Variants in DMD observed in about 807,000 individuals in gnomAD.
DMD encodes the protein dystrophin, also known as mutant dystrophin.
A neutral mutation model predicts 330.1 loss-of-function variants in DMD; 63 were observed. The ratio of observed to expected loss-of-function variants is 0.19; its 90% CI spans 0.16 to 0.24. The LOEUF is 0.24. Among genes scored for constraint, DMD ranks in the 10% least tolerant of loss-of-function variants. DMD has a pLI of 1.00. For missense variants in DMD, 3,344 were observed against 2,684.1 expected, an observed-to-expected ratio of 1.25 and a Z score of -5.43; for synonymous variants, 1,223 against 959.8, an observed-to-expected ratio of 1.27 and a Z score of -5.07.
At chrX:33,104,714 C>T (rs182341314) in intron 1 of DMD, among the ~76,000 whole-genome samples, 125 of 112,134 alleles carry the variant, frequency 1.1e-3, no homozygotes, top group South Asian at 8.2e-3. Flanking sequence ...ATGAAAGAAA[C>T]ATTTAACCAT....
chrX:32,869,208 G>A (rs1356104047), intron 2 of DMD, among the ~76,000 whole-genome samples: 1 of 110,971 alleles, frequency 9.0e-6, no homozygotes, highest in Non-Finnish European at 1.9e-5. Context: ...AACAACAACA[G>A]CATCAACAAA....
chrX:32,887,512 G>A (rs935573231), intron 2 of DMD, among the ~76,000 whole-genome samples: 1 of 108,325 alleles, frequency 9.2e-6, no homozygotes, highest in Non-Finnish European at 1.9e-5. Context: ...TACTTTGGGA[G>A]GTTGAGGCGG....
At chrX:32,940,352 G>A (rs1254335975) in intron 2 of DMD, among the ~76,000 whole-genome samples, 2 of 111,780 alleles carry the variant, frequency 1.8e-5, no homozygotes, top group Admixed American at 9.5e-5. Context: ...AGTTCACTGC[G>A]TATATGCACA....
intron 44 of DMD, among the ~76,000 whole-genome samples, chrX:32,089,804 G>A (rs1603624683): frequency 8.9e-6 from 1 of 112,028 alleles, no homozygotes; most frequent in Admixed American, 9.5e-5. Context: ...CTGGGTATAT[G>A]CCCAATAATG....
At chrX:32,609,056 C>G (rs189361025) in intron 12 of DMD, among the ~76,000 whole-genome samples, 2 of 110,446 alleles carry the variant, frequency 1.8e-5, no homozygotes, top group Non-Finnish European at 1.9e-5. Context: ...TCTTAATTAC[C>G]AATCTCAAGT....
intron 44 of DMD, among the ~76,000 whole-genome samples, chrX:32,215,492 T>G (rs2097109102): frequency 9.0e-6 from 1 of 111,623 alleles, no homozygotes; most frequent in Admixed American, 9.5e-5. Context: ...CAGCCTGAAA[T>G]ATGTAGCAAA....
At chrX:32,544,230 A>G (rs1329684445) in intron 17 of DMD, among the ~76,000 whole-genome samples, 1 of 111,427 alleles carries the variant, frequency 9.0e-6, no homozygotes, top group East Asian at 2.8e-4. Context: ...TAGTTAATAG[A>G]GAAGTACTAA....
intron 1 of DMD, among the ~76,000 whole-genome samples, chrX:33,310,947 A>G (rs1201575733): frequency 9.0e-6 from 1 of 110,950 alleles, no homozygotes; most frequent in Admixed American, 9.7e-5. Context: ...AAATGAAGCT[A>G]AAGGGATTTT....
At chrX:32,311,826 A>G (rs963602740) in intron 41 of DMD, among the ~76,000 whole-genome samples, 2 of 111,988 alleles carry the variant, frequency 1.8e-5, no homozygotes, top group Non-Finnish European at 3.8e-5. Flanking sequence ...TGAAATTTTC[A>G]CTGACACATT....
At chrX:32,272,701 T>A (rs1269964617) in intron 43 of DMD, among the ~76,000 whole-genome samples, 1 of 111,859 alleles carries the variant, frequency 8.9e-6, no homozygotes, top group Non-Finnish European at 1.9e-5. Context: ...AAATTAAGGT[T>A]CTCTTGAGAA....
intron 32 of DMD, among the ~76,000 whole-genome samples, chrX:32,387,470 C>G (rs2097967169): frequency 9.0e-6 from 1 of 110,838 alleles, no homozygotes; most frequent in Non-Finnish European, 1.9e-5. Context: ...AAAAAATAAA[C>G]CTGACAGTAG....
chrX:31,948,854 T>C (rs750208020), intron 45 of DMD, among the ~76,000 whole-genome samples: 3 of 111,468 alleles, frequency 2.7e-5, no homozygotes, highest in Non-Finnish European at 5.7e-5. Context: ...TGATTGACCA[T>C]AAATATAAGA....
At chrX:32,052,144 G>A (rs1337674657) in intron 44 of DMD, among the ~76,000 whole-genome samples, 1 of 111,617 alleles carries the variant, frequency 9.0e-6, no homozygotes, top group African/African-American at 3.3e-5. Flanking sequence ...GACCATCTAG[G>A]CATAGAACCT....
chrX:31,831,916 T>A (rs2093055524), intron 49 of DMD, among the ~76,000 whole-genome samples: 1 of 112,874 alleles, frequency 8.9e-6, no homozygotes, highest in Admixed American at 9.4e-5. Context: ...ACTTGTAATT[T>A]AAAAAAATAA....
At chrX:31,699,750 G>A (rs764150260) in intron 52 of DMD, among the ~76,000 whole-genome samples, 14 of 111,841 alleles carry the variant, frequency 1.3e-4, no homozygotes, top group Non-Finnish European at 2.4e-4. Flanking sequence ...ACTTTGAAGG[G>A]CATCAGAAAA....
chrX:32,018,873 T>C (rs1464357544), intron 44 of DMD, among the ~76,000 whole-genome samples: 1 of 111,392 alleles, frequency 9.0e-6, no homozygotes, highest in Non-Finnish European at 1.9e-5. Flanking sequence ...TAGCAACTTT[T>C]GTGAGTTGCA....
At chrX:32,585,094 A>T (rs5928023) in intron 13 of DMD, among the ~76,000 whole-genome samples, 8,762 of 111,115 alleles carry the variant, frequency 0.079, 359 homozygotes, top group Middle Eastern at 0.14. Flanking sequence ...GCACAGAAAG[A>T]CAAATACCAC....
At chrX:31,484,325 G>T (rs1449051843) in intron 57 of DMD, among the ~76,000 whole-genome samples, 3 of 111,776 alleles carry the variant, frequency 2.7e-5, no homozygotes, top group Non-Finnish European at 5.6e-5. Context: ...AAAGGTATCA[G>T]ATATAGATAT....
intron 1 of DMD, among the ~76,000 whole-genome samples, chrX:33,038,239 C>T (rs775385578): frequency 1.5e-4 from 17 of 111,816 alleles, no homozygotes; most frequent in African/African-American, 5.2e-4. Context: ...TTTTTGGTTA[C>T]AGCTCATCAC....
Sources: gnomAD v4.1 joint callset for allele counts (sites outside exome capture counted in the v4.1 genomes callset) on GRCh38, gnomAD v4.1.1 for gene constraint, MANE v1.5 for transcripts, NCBI Gene and HGNC (gene_info 2026-07-23, HGNC 2026-07-21) for gene names.